Variants in CNTN6 observed in about 807,000 individuals in gnomAD.
The protein encoded by CNTN6 is contactin 6.
In CNTN6, 137 loss-of-function variants were observed where a neutral mutation model predicts 122.8. The observed-to-expected ratio is 1.12, with a 90% CI of 0.97 to 1.29. The LOEUF (loss-of-function observed/expected upper bound fraction) is 1.29, where lower values mean the gene tolerates loss of function less well. CNTN6 is among the 50% of genes most tolerant of loss of function. CNTN6 has a pLI of 0.00. For synonymous variants in CNTN6, 570 were observed against 426.0 expected, an observed-to-expected ratio of 1.34 and a Z score of -4.16; for missense variants, 1,634 against 1,223.4, an observed-to-expected ratio of 1.34 and a Z score of -5.01.
chr3:1,329,941 C>G lies in CNTN6; in HGVS notation c.1364+6C>G. 6.5e-7 allele frequency: 1 copy of G among 1,527,352 alleles called. No homozygotes were observed. The highest frequency in any genetic ancestry group is 8.8e-7 in the Non-Finnish European group (1 of 1,142,688). The allele number at this position is 1,527,352 out of a possible 1,614,324, so 94.6% of individuals were successfully genotyped here. ...ACCCTTAGACAAAGCAAAAGGTAAACAAATCTTTATTTTTAAAAATATTTT... is the reference window on the plus strand; with the variant it reads ...ACCCTTAGACAAAGCAAAAGGTAAAGAAATCTTTATTTTTAAAAATATTTT... On this transcript the variant is annotated splice_donor_region_variant and intron_variant, in intron 11 of 22. Transcript: ENST00000446702.
intron 1 of CNTN6, chr3:1,128,469 C>T (rs1040171767): frequency 2.0e-5 from 3 of 151,996 alleles, no homozygotes; most frequent in African/African-American, 7.2e-5. Context: ...TGCCTCCCCA[C>T]TCCACAATTT....
intron 2 of CNTN6, among the ~76,000 whole-genome samples, chr3:1,184,996 G>T (rs1409594545): frequency 6.6e-6 from 1 of 152,034 alleles, no homozygotes; most frequent in African/African-American, 2.4e-5. Context: ...TGTACACTTG[G>T]TAGGCATTAG....
chr3:1,366,734 G>T (rs1163782168), intron 12 of CNTN6, among the ~76,000 whole-genome samples: 7 of 152,076 alleles, frequency 4.6e-5, no homozygotes, highest in African/African-American at 1.7e-4. Flanking sequence ...TGGCCTCATG[G>T]CTATTAGACA....
intron 1 of CNTN6, among the ~76,000 whole-genome samples, chr3:1,111,106 C>T (rs2091460653): frequency 6.6e-6 from 1 of 152,110 alleles, no homozygotes; most frequent in Non-Finnish European, 1.5e-5. Flanking sequence ...AAAGTCTTAG[C>T]ACAATGTCTG....
intron 1 of CNTN6, among the ~76,000 whole-genome samples, chr3:1,142,263 A>G (rs2092626128): frequency 6.6e-6 from 1 of 152,044 alleles, no homozygotes; most frequent in Non-Finnish European, 1.5e-5. Flanking sequence ...GAAACTCTTA[A>G]TGTTGTTTGG....
intron 2 of CNTN6, among the ~76,000 whole-genome samples, chr3:1,166,939 G>A (rs2125274022): frequency 6.6e-6 from 1 of 151,876 alleles, no homozygotes; most frequent in Middle Eastern, 3.4e-3. Flanking sequence ...ATGCTTGTGG[G>A]GCTTAAAACC....
intron 2 of CNTN6, among the ~76,000 whole-genome samples, chr3:1,199,677 T>C (rs776496018): frequency 1.1e-4 from 17 of 152,256 alleles, no homozygotes; most frequent in Middle Eastern, 3.4e-3. Context: ...GGTAGAGGAA[T>C]TGGAACACAG....
At position 1,403,516 on chromosome 3, in the gene CNTN6, T is replaced by G. The variant is rs1326635346; in HGVS notation, c.*98T>G. 5.0e-6 allele frequency: 3 copies of G among 598,808 alleles called. No homozygotes were observed. The highest frequency in any genetic ancestry group is 5.7e-6 in the Non-Finnish European group (2 of 353,740). The allele number at this position is 598,808 out of a possible 1,614,324, so 37.1% of individuals were successfully genotyped here. A position where few individuals can be genotyped will look rare whatever the true frequency, so the allele number is the denominator to read the frequency against. On this transcript the variant is annotated 3_prime_UTR_variant, in exon 23 of 23. Transcript: ENST00000446702. ...CACAAGATGCGTTCTTAATACAGAC[T>G]TGTTTGCAAAGAAAAAAAAAAGTAT...
intron 2 of CNTN6, among the ~76,000 whole-genome samples, chr3:1,210,624 T>C (rs533111899): frequency 6.6e-6 from 1 of 152,236 alleles, no homozygotes; most frequent in South Asian, 2.1e-4. Context: ...AGTGGATGTA[T>C]AATTTGTGTC....
chr3:1,243,194 C>A (rs1241818734), intron 4 of CNTN6, among the ~76,000 whole-genome samples: 1 of 152,158 alleles, frequency 6.6e-6, no homozygotes, highest in South Asian at 2.1e-4. Context: ...GGTTCCTGCA[C>A]AGATGGGACG....
chr3:1,217,755 A>G (rs1400193333), intron 2 of CNTN6, among the ~76,000 whole-genome samples: 1 of 152,218 alleles, frequency 6.6e-6, no homozygotes, highest in African/African-American at 2.4e-5. Flanking sequence ...GCTGATAACA[A>G]GTGCTGTCTC....
intron 4 of CNTN6, among the ~76,000 whole-genome samples, chr3:1,237,396 G>A (rs1376987888): frequency 6.6e-6 from 1 of 152,040 alleles, no homozygotes; most frequent in African/African-American, 2.4e-5. Flanking sequence ...AGAAGTTTGA[G>A]ACTACATTAA....
chr3:1,381,669 T>A (rs1250408047), intron 17 of CNTN6, among the ~76,000 whole-genome samples: 1 of 152,178 alleles, frequency 6.6e-6, no homozygotes, highest in Non-Finnish European at 1.5e-5. Context: ...ACTTCCAGTT[T>A]TCTACCTGGC....
At chr3:1,131,944 A>G (rs2092347124) in intron 1 of CNTN6, among the ~76,000 whole-genome samples, 1 of 152,094 alleles carries the variant, frequency 6.6e-6, no homozygotes, top group Non-Finnish European at 1.5e-5. Flanking sequence ...AGGAGGCAAT[A>G]GAGAAATCAG....
At chr3:1,273,397 C>G (rs886123409) in intron 4 of CNTN6, among the ~76,000 whole-genome samples, 1 of 152,146 alleles carries the variant, frequency 6.6e-6, no homozygotes, top group African/African-American at 2.4e-5. Flanking sequence ...AAGAATAAAT[C>G]TAGAGTTTTT....
At chr3:1,402,865 T>C (rs1178941438) in intron 22 of CNTN6, 1 of 196,008 alleles carries the variant, frequency 5.1e-6, no homozygotes, top group Non-Finnish European at 1.0e-5. Flanking sequence ...CCCATGTTCA[T>C]GGCAGACATC....
chr3:1,245,604 G>C (rs1297794313), intron 4 of CNTN6, among the ~76,000 whole-genome samples: 1 of 150,752 alleles, frequency 6.6e-6, no homozygotes, highest in Non-Finnish European at 1.5e-5. Flanking sequence ...CAGGTGACGG[G>C]TACGCCAAAA....
Position 1,102,665 on chromosome 3 carries a change from T to C in CNTN6, c.-83+9545T>C, listed in dbSNP as rs761587882. 3.0e-4 allele frequency among the ~76,000 whole-genome samples: 44 copies of C among 148,828 alleles called. 4 individuals carry two copies. Among genetic ancestry groups the C allele is most frequent in the Non-Finnish European group, 5.5e-4 (37 of 66,720 alleles). The stretch of plus-strand genomic sequence containing the variant: ...ATGGCGGGAACCCGGGGGGCGGAGC[T>C]TGCAGTGAGCAGAGATGGCGCCACC... On this transcript the variant is annotated intron_variant, in intron 1 of 22. Transcript: ENST00000446702.
At chr3:1,297,781 CCTAACT>C (rs71724905) in intron 6 of CNTN6, 102 bp from the exon 7 acceptor site, 41,628 of 884,090 alleles carry the variant, frequency 0.047, 1,378 homozygotes, top group African/African-American at 0.14. Flanking sequence ...AACTGAAAAC[CCTAACT>C]CTTATTAAGA....
Sources: gnomAD v4.1 joint callset for allele counts (sites outside exome capture counted in the v4.1 genomes callset) on GRCh38, gnomAD v4.1.1 for gene constraint, MANE v1.5 for transcripts, NCBI Gene and HGNC (gene_info 2026-07-23, HGNC 2026-07-21) for gene names.